Variants in RNF25 observed in about 807,000 individuals in gnomAD.
RNF25 encodes ring finger protein 25, also known as E3 ubiquitin-protein ligase RNF25.
RNF25 carries 32 observed loss-of-function variants against 65.0 expected under a neutral mutation model. The observed-to-expected ratio is 0.49, with a 90% CI of 0.37 to 0.66. The LOEUF (loss-of-function observed/expected upper bound fraction) is 0.66. RNF25 is among the 30% of genes least tolerant of loss of function. The pLI, the probability that RNF25 is intolerant of heterozygous loss-of-function variation, is 0.00. For synonymous variants in RNF25, 207 were observed against 221.2 expected (o/e 0.94, Z 0.57); for missense variants, 493 against 584.8 (o/e 0.84, Z 1.62).
At chr2:218,671,419 A>G (rs1314657376) in intron 1 of RNF25, among the ~76,000 whole-genome samples, 1 of 152,166 alleles carries the variant, frequency 6.6e-6, no homozygotes, top group Non-Finnish European at 1.5e-5. Context: ...AGAATGCTTG[A>G]GAGAAGGACT....
chr2:218,668,030 C>A lies in RNF25; in HGVS notation c.287+49G>T, dbSNP rs767205848. On this transcript the variant is annotated intron_variant, in intron 4 of 9. Coordinates refer to ENST00000295704, the MANE Select transcript of RNF25 (RefSeq NM_022453.3). ...TATTAGACCTGCCCATTTCTGTCAC[C>A]GGGCAAAGCTGTAGCTGAGTTTTCC... 3.1e-6 allele frequency: 5 copies of A among 1,611,912 alleles called. No individual in the cohort carries two copies. In the African/African-American group the frequency reaches 4.0e-5, roughly 13 times the overall value.
intron 1 of RNF25, among the ~76,000 whole-genome samples, chr2:218,671,726 C>A (rs946257406): frequency 1.2e-4 from 19 of 152,276 alleles, no homozygotes; most frequent in African/African-American, 4.6e-4. Flanking sequence ...GCCTGGCGGG[C>A]GCCGACCCGT....
intron 1 of RNF25, among the ~76,000 whole-genome samples, chr2:218,669,411 C>T (rs964793127): frequency 6.6e-6 from 1 of 152,202 alleles, no homozygotes; most frequent in East Asian, 1.9e-4. Context: ...AGTATCTGGG[C>T]TATCGTAGCT....
intron 7 of RNF25, 147 bp downstream of exon 7, chr2:218,665,769 A>C (rs903013423): frequency 9.6e-7 from 1 of 1,037,528 alleles, no homozygotes; most frequent in East Asian, 2.6e-5. Context: ...GATGCCCTTT[A>C]TTCTGGACAG....
intron 5 of RNF25, among the ~76,000 whole-genome samples, chr2:218,667,256 A>G (rs1306267855): frequency 2.0e-5 from 3 of 152,002 alleles, no homozygotes; most frequent in African/African-American, 7.2e-5. Flanking sequence ...TCAAACAATA[A>G]AAGTTTTCTG....
At position 218,664,344 on chromosome 2, in the gene RNF25, T is replaced by C; in HGVS notation, c.993A>G (p.Glu331=). The change falls in exon 10 of 10, where the codon GAA becomes GAG. Residue 331 remains glutamate (E), a synonymous_variant. Coordinates refer to ENST00000295704, the MANE Select transcript of RNF25 (RefSeq NM_022453.3). The surrounding 1 kb of genome is among the most constrained non-coding windows in gnomAD (Gnocchi z 5.1). ...GTRSNQQRLG[E]TQKAMLDPPK... ...GGGGATCTAGCATAGCTTTCTGGGT[T>C]TCGCCCAACCTTTGCTGATTTGACC... 1 of 1,614,188 alleles carries C rather than the reference T, an allele frequency of 6.2e-7. No individual in the cohort carries two copies. The highest frequency in any genetic ancestry group is 8.5e-7 in the Non-Finnish European group (1 of 1,180,022).
intron 1 of RNF25, 109 bp from the exon 2 acceptor site, chr2:218,668,788 T>C (rs1357362429): frequency 3.9e-6 from 3 of 770,624 alleles, no homozygotes; most frequent in Non-Finnish European, 6.9e-6. Context: ...CCAGAATGCA[T>C]TCTCCTGCTA....
At chr2:218,671,173 AAAAAC>A (rs576905404) in intron 1 of RNF25, among the ~76,000 whole-genome samples, 22 of 152,334 alleles carry the variant, frequency 1.4e-4, no homozygotes, top group Admixed American at 5.2e-4. Context: ...CTCTGTCTCA[AAAAAC>A]AAAACAAAAC....
rs1939882049 is a variant in RNF25 at position 218,668,360 on chromosome 2, G to A, written c.117-19C>T. 4.0e-6 allele frequency: 6 copies of A among 1,487,724 alleles called. No homozygotes were observed. Among genetic ancestry groups the A allele is most frequent in the Non-Finnish European group, 3.7e-6 (4 of 1,078,304 alleles). 92.2% of individuals were successfully genotyped at this position (1,487,724 alleles called of 1,614,324 possible). On this transcript the variant is annotated intron_variant, in intron 2 of 9. Coordinates refer to ENST00000295704, the MANE Select transcript of RNF25 (RefSeq NM_022453.3). ...TGAAGTTCTGCAGGTGGATCAAGTG[G>A]ACACGCAGATGTGACTGGGTAGGGG...
intron 1 of RNF25, among the ~76,000 whole-genome samples, chr2:218,669,174 C>A (rs1303565402): frequency 1.3e-5 from 2 of 152,202 alleles, no homozygotes; most frequent in African/African-American, 4.8e-5. Flanking sequence ...AAGGAGATAG[C>A]AACCTCAACA....
In RNF25 at chr2:218,665,235, C is replaced by A. The variant is rs115146878; in HGVS notation, c.586G>T (p.Val196Leu). ...GGCTCTCTGCACACTGGACACTGCA[C>A]ACCGACTGCCTTCTAAAAAAGAGAA... is the stretch of plus-strand genomic sequence containing the variant. ...HATTKQKAVG[V>L]QCPVCREPLV... The change falls in exon 8 of 10, where the codon GTG (valine) becomes TTG (leucine). Residue 196 changes from valine (V) to leucine (L), a missense_variant. Physicochemically the swap from Val to Leu is conservative, Grantham distance 32. Coordinates refer to ENST00000295704, the MANE Select transcript of RNF25 (RefSeq NM_022453.3). 6 of 1,613,272 alleles carry A rather than the reference C, an allele frequency of 3.7e-6. No individual in the cohort carries two copies. In the East Asian group the frequency reaches 1.3e-4, roughly 36 times the overall value.
chr2:218,671,911 C>G lies in RNF25; in HGVS notation c.41+19G>C. The G allele has an allele frequency of 6.2e-7, 1 of 1,614,178 alleles. No homozygotes were observed. ...ACTAGATCCAGGCTGTCAGCCAAAG[C>G]CCATGCCCCCAAAGTTACCAGTCCT... On this transcript the variant is annotated intron_variant, in intron 1 of 9. Coordinates refer to ENST00000295704, the MANE Select transcript of RNF25 (RefSeq NM_022453.3).
At position 218,665,202 on chromosome 2, in the gene RNF25, A is replaced by G; in HGVS notation, c.619T>C (p.Tyr207His). 6.2e-7 allele frequency: 1 copy of G among 1,614,186 alleles called. No individual in the cohort carries two copies. Among genetic ancestry groups the G allele is most frequent in the South Asian group, 1.1e-5 (1 of 91,078 alleles). ...QCPVCREPLVYDLASLKAAPE... is the reference protein window; with the variant it reads ...QCPVCREPLVHDLASLKAAPE... ...GCTGCTTTCAGTGAGGCAAGATCAT[A>G]CACGAGGGGCTCTCTGCACACTGGA... The change falls in exon 8 of 10, where the codon TAT (tyrosine) becomes CAT (histidine). Residue 207 changes from tyrosine (Y) to histidine (H), a missense_variant. Transcript: ENST00000295704.
Position 218,671,877 on chromosome 2 carries a change from G to A in RNF25, c.41+53C>T, listed in dbSNP as rs971028816. Reference sequence around the variant, plus strand: ...TACGGACCGTCTGCGACAGCTGCTAGGCCTCTGGACTAGATCCAGGCTGTC... The same window carrying A: ...TACGGACCGTCTGCGACAGCTGCTAAGCCTCTGGACTAGATCCAGGCTGTC... On this transcript the variant is annotated intron_variant, in intron 1 of 9. Transcript: ENST00000295704. 102 of 1,604,720 alleles carry A rather than the reference G, an allele frequency of 6.4e-5. 1 individual carries two copies. The highest frequency in any genetic ancestry group is 7.9e-5 in the Non-Finnish European group (92 of 1,171,804).
At position 218,671,982 on chromosome 2, in the gene RNF25, C is replaced by T; in HGVS notation, c.-12G>A. On this transcript the variant is annotated 5_prime_UTR_variant, in exon 1 of 10. Transcript: ENST00000295704. Reference sequence around the variant, plus strand: ...GCAGACGCCGCCATATCTTCACCGGCCCGCAGCCGGAACCGGAAATGCCCT... The same window carrying T: ...GCAGACGCCGCCATATCTTCACCGGTCCGCAGCCGGAACCGGAAATGCCCT... The T allele has an allele frequency of 6.2e-7, 1 of 1,614,214 alleles. No individual in the cohort carries two copies. The highest frequency in any genetic ancestry group is 8.5e-7 in the Non-Finnish European group (1 of 1,180,030).
chr2:218,665,003 G>T, intron 8 of RNF25, 130 bp from the exon 9 acceptor site: 1 of 1,467,302 alleles, frequency 6.8e-7, no homozygotes, highest in Non-Finnish European at 9.3e-7. Context: ...AGAGTCTTAG[G>T]CTCCCGCCAG....
Position 218,663,947 on chromosome 2 carries a change from C to G in RNF25, c.*10G>C, listed in dbSNP as rs1294162540. 1 of 1,432,022 alleles carries G rather than the reference C, an allele frequency of 7.0e-7. No individual in the cohort carries two copies. Among genetic ancestry groups the G allele is most frequent in the Non-Finnish European group, 9.2e-7 (1 of 1,090,236 alleles). The allele number at this position is 1,432,022 out of a possible 1,614,324, so 88.7% of individuals were successfully genotyped here. A position where few individuals can be genotyped will look rare whatever the true frequency, so the allele number is the denominator to read the frequency against. Reference sequence around the variant, plus strand: ...CATCCCCAATTCCCTGTTCCCCCCACCAAGTCCTGCTAGGAACCATCCTTA... The same window carrying G: ...CATCCCCAATTCCCTGTTCCCCCCAGCAAGTCCTGCTAGGAACCATCCTTA... On this transcript the variant is annotated 3_prime_UTR_variant, in exon 10 of 10. Coordinates refer to ENST00000295704, the MANE Select transcript of RNF25 (RefSeq NM_022453.3).
At position 218,665,209 on chromosome 2, in the gene RNF25, G is replaced by C; in HGVS notation, c.612C>G (p.Pro204=). ...TCAGTGAGGCAAGATCATACACGAG[G>C]GGCTCTCTGCACACTGGACACTGCA... ...VGVQCPVCRE[P]LVYDLASLKA... is the part of the protein sequence containing the mutation. Residue 204 remains proline (P), a synonymous_variant, in exon 8 of 10, where the codon CCC becomes CCG. Transcript: ENST00000295704. 2 of 1,614,108 alleles carry C rather than the reference G, an allele frequency of 1.2e-6. No homozygotes were observed. Among genetic ancestry groups the C allele is most frequent in the Non-Finnish European group, 8.5e-7 (1 of 1,180,028 alleles).
In RNF25 at chr2:218,668,323, G is replaced by C. The variant is rs367790615; in HGVS notation, c.135C>G (p.Ile45Met). The C allele has an allele frequency of 1.9e-6, 3 of 1,599,104 alleles. No homozygotes were observed. The highest frequency in any genetic ancestry group is 2.6e-6 in the Non-Finnish European group (3 of 1,171,214). Residue 45 changes from isoleucine (I) to methionine (M), a missense_variant, in exon 3 of 10, where the codon ATC (isoleucine) becomes ATG (methionine). Ile to Met is a conservative substitution (Grantham distance 10, BLOSUM62 1). This residue lies in a region of RNF25 where 108 missense variants were observed against 166.0 expected (regional missense o/e 0.65). Coordinates refer to ENST00000295704, the MANE Select transcript of RNF25 (RefSeq NM_022453.3). ...CAGTGGCAGGATGCAAAGTGATGTA[G>C]ATCTCCCATGGTGAAGTTCTGCAGG... ...KGNGRTSPWE[I>M]YITLHPATAE...
Sources: gnomAD v4.1 joint callset for allele counts (sites outside exome capture counted in the v4.1 genomes callset) on GRCh38, gnomAD v4.1.1 for gene constraint, gnomAD v4.1.1 regional missense constraint, Gnocchi (gnomAD v3.1) non-coding constraint, MANE v1.5 for transcripts, NCBI Gene and HGNC (gene_info 2026-07-23, HGNC 2026-07-21) for gene names.